Variants in CCDC146 observed in about 807,000 individuals in gnomAD.
CCDC146 encodes coiled-coil domain-containing protein 146.
Under a neutral mutation model 119.3 loss-of-function variants are expected in CCDC146, and 92 were observed. The observed-to-expected ratio is 0.77, with a 90% CI of 0.65 to 0.92. CCDC146 has a LOEUF of 0.92. CCDC146 is among the 40% of genes least tolerant of loss of function. The probability of loss-of-function intolerance (pLI) is 0.00; values close to 1 mark genes in which losing one functional copy is unlikely to be tolerated. For synonymous variants in CCDC146, 372 were observed against 371.8 expected, an observed-to-expected ratio of 1.00 and a Z score of -0.01; for missense variants, 1,000 against 1,103.0, an observed-to-expected ratio of 0.91 and a Z score of 1.32.
intron 1 of CCDC146, among the ~76,000 whole-genome samples, chr7:77,160,076 T>A (rs1791235828): frequency 6.6e-6 from 1 of 152,232 alleles, no homozygotes; most frequent in African/African-American, 2.4e-5. Context: ...ATCAGATAGT[T>A]GTAGATATGC....
chr7:77,199,647 G>A (rs551393953), intron 2 of CCDC146: 5 of 1,614,166 alleles, frequency 3.1e-6, no homozygotes, highest in East Asian at 2.2e-5. Flanking sequence ...CTGCCTCTTC[G>A]CATTTCCCTC....
chr7:77,146,041 G>A (rs1273077490), intron 1 of CCDC146, among the ~76,000 whole-genome samples: 1 of 151,858 alleles, frequency 6.6e-6, no homozygotes, highest in Non-Finnish European at 1.5e-5. Context: ...CATTATCATT[G>A]TGGGGGAGTC....
At chr7:77,151,704 A>T (rs528668230) in intron 1 of CCDC146, among the ~76,000 whole-genome samples, 1 of 152,178 alleles carries the variant, frequency 6.6e-6, no homozygotes, top group East Asian at 1.9e-4. Flanking sequence ...CAGGGTCATT[A>T]GGTAGCACCG....
chr7:77,288,618 C>T (rs1214217529), intron 17 of CCDC146, among the ~76,000 whole-genome samples: 6 of 152,214 alleles, frequency 3.9e-5, no homozygotes, highest in Non-Finnish European at 8.8e-5. Context: ...TGGAGCATCC[C>T]GTCAATGCAG....
intron 2 of CCDC146, among the ~76,000 whole-genome samples, chr7:77,172,405 A>T (rs912873698): frequency 3.4e-4 from 52 of 152,374 alleles, no homozygotes; most frequent in Admixed American, 3.3e-3. Flanking sequence ...AACTGAAGGA[A>T]AGCAGTCAGA....
intron 4 of CCDC146, 42 bp from the exon 5 acceptor site, chr7:77,254,464 A>G: frequency 1.8e-6 from 2 of 1,124,542 alleles, no homozygotes; most frequent in South Asian, 2.7e-5. Context: ...GAAAGAGCTT[A>G]TTTCTTTGTA....
Position 77,256,316 on chromosome 7 carries a change from C to T in CCDC146, c.508-17C>T. ...TGCTCAGACTATATAACCTAATCAT[C>T]TTCACGACTTTTAAAGGAAATGGAG... On this transcript the variant is annotated splice_polypyrimidine_tract_variant and intron_variant, in intron 5 of 18. Transcript: ENST00000285871. The T allele has an allele frequency of 6.4e-7, 1 of 1,573,372 alleles. No individual in the cohort carries two copies. Among genetic ancestry groups the T allele is most frequent in the South Asian group, 1.2e-5 (1 of 83,732 alleles).
chr7:77,276,987 G>A lies in CCDC146; in HGVS notation c.1441-1765G>A, dbSNP rs567898190. Among the ~76,000 whole-genome samples the A allele has an allele frequency of 4.6e-5, 7 of 152,268 alleles. No individual in the cohort carries two copies. The South Asian group carries it at 8.3e-4, about 18-fold the overall frequency. ...CTCAGGAGGCAGAGGCATGAGAATC[G>A]CTTGAACCCAGGAGGCGGAGGTTGC... On this transcript the variant is annotated intron_variant, in intron 11 of 18. Coordinates refer to ENST00000285871, the MANE Select transcript of CCDC146 (RefSeq NM_020879.3).
At chr7:77,276,346 T>C (rs1228144086) in intron 11 of CCDC146, among the ~76,000 whole-genome samples, 1 of 152,108 alleles carries the variant, frequency 6.6e-6, no homozygotes, top group African/African-American at 2.4e-5. Flanking sequence ...AAGAGCTCAC[T>C]CACGCCAAAG....
intron 14 of CCDC146, chr7:77,282,332 C>G (rs974842226): frequency 4.5e-6 from 2 of 445,152 alleles, no homozygotes; most frequent in African/African-American, 4.0e-5. Context: ...GCTAGCCAAC[C>G]ACATGGTCAG....
At chr7:77,294,465 T>TAG (rs1554364036) in intron 18 of CCDC146, among the ~76,000 whole-genome samples, 198 bp from the exon 19 acceptor site, 2 of 55,282 alleles carry the variant, frequency 3.6e-5, no homozygotes, top group African/African-American at 1.2e-4. Flanking sequence ...GAGAGGTAGG[T>TAG]GTGTGTGTGT....
At chr7:77,146,806 T>C (rs1316909519) in intron 1 of CCDC146, among the ~76,000 whole-genome samples, 1 of 152,210 alleles carries the variant, frequency 6.6e-6, no homozygotes, top group South Asian at 2.1e-4. Context: ...TTTCCCTTTG[T>C]GGGTAACCCG....
At chr7:77,132,660 C>T (rs1790802052) in intron 1 of CCDC146, among the ~76,000 whole-genome samples, 1 of 151,864 alleles carries the variant, frequency 6.6e-6, no homozygotes, top group Admixed American at 6.6e-5. Flanking sequence ...TCAGTTGAGT[C>T]CAGGATGTCA....
chr7:77,290,505 C>T (rs1002480245), intron 17 of CCDC146, among the ~76,000 whole-genome samples: 1 of 152,214 alleles, frequency 6.6e-6, no homozygotes, highest in African/African-American at 2.4e-5. Context: ...AAACATAAGA[C>T]ATGCTAATTT....
Position 77,293,220 on chromosome 7 carries a change from T to C in CCDC146, c.2664+20T>C, listed in dbSNP as rs1793982613. On this transcript the variant is annotated intron_variant, in intron 18 of 18. Coordinates refer to ENST00000285871, the MANE Select transcript of CCDC146 (RefSeq NM_020879.3). ...TCTCAGGTAGGCTTTGGCTCCTGTA[T>C]TGCATTTCTAAAGGGTGCCAGCAGG... is the stretch of plus-strand genomic sequence containing the variant. The C allele has an allele frequency of 1.2e-6, 2 of 1,610,864 alleles. No homozygotes were observed. Among genetic ancestry groups the C allele is most frequent in the South Asian group, 1.1e-5 (1 of 90,796 alleles).
chr7:77,137,853 T>G (rs191901685), intron 1 of CCDC146, among the ~76,000 whole-genome samples: 23 of 151,228 alleles, frequency 1.5e-4, no homozygotes, highest in South Asian at 1.5e-3. Context: ...TACTTACATA[T>G]AACTCAAATA....
At chr7:77,135,221 C>CCCTGG (rs1790844783) in intron 1 of CCDC146, among the ~76,000 whole-genome samples, 2 of 152,194 alleles carry the variant, frequency 1.3e-5, no homozygotes, top group Non-Finnish European at 2.9e-5. Context: ...GGTGCAGTGG[C>CCCTGG]TCACACCTTT....
chr7:77,142,961 C>G (rs1377831117), intron 1 of CCDC146, among the ~76,000 whole-genome samples: 2 of 151,798 alleles, frequency 1.3e-5, no homozygotes, highest in East Asian at 3.8e-4. Flanking sequence ...AATGGTATTT[C>G]TAGTTCTAGA....
intron 2 of CCDC146, chr7:77,193,717 T>A (rs369417797): frequency 3.3e-5 from 5 of 152,296 alleles, no homozygotes; most frequent in African/African-American, 9.6e-5. Flanking sequence ...CATAGGTAAA[T>A]CAGCTCCACC....
Sources: gnomAD v4.1 joint callset for allele counts (sites outside exome capture counted in the v4.1 genomes callset) on GRCh38, gnomAD v4.1.1 for gene constraint, MANE v1.5 for transcripts, NCBI Gene and HGNC (gene_info 2026-07-23, HGNC 2026-07-21) for gene names.